SPRTN: variants seen among roughly 807,000 people sequenced by gnomAD.
SPRTN encodes the protein SprT-like N-terminal domain.
SPRTN carries 11 observed loss-of-function variants against 31.9 expected under a neutral mutation model. That is an observed-to-expected ratio of 0.34 (90% CI 0.22 to 0.57). The LOEUF is 0.57. Among genes scored for constraint, SPRTN ranks in the 20% least tolerant of loss-of-function variants. The pLI is 0.86. For synonymous variants in SPRTN, 185 were observed against 212.1 expected, an observed-to-expected ratio of 0.87 and a Z score of 1.11; for missense variants, 482 against 590.1, an observed-to-expected ratio of 0.82 and a Z score of 1.90.
rs554751199 is a variant in SPRTN, at chr1:231,343,017, G to A, written c.321+3149G>A. 4.6e-5 allele frequency among the ~76,000 whole-genome samples: 7 copies of A among 152,056 alleles called. No homozygotes were observed. In the South Asian group the frequency reaches 1.0e-3, roughly 22 times the overall value. The stretch of plus-strand genomic sequence containing the variant: ...CTCCCAAAGTGCTGGGATTACAGGC[G>A]TGAGCCACCACACCTGGCCAAGACT... On this transcript the variant is annotated intron_variant, in intron 2 of 4. Transcript: ENST00000295050.
At chr1:231,351,231 A>T (rs1687219516) in intron 3 of SPRTN, 73 bp from the exon 4 acceptor site, 2 of 1,202,710 alleles carry the variant, frequency 1.7e-6, no homozygotes, top group East Asian at 3.0e-5. Flanking sequence ...AAAAAAAAAG[A>T]CTGCTTATGT....
intron 3 of SPRTN, among the ~76,000 whole-genome samples, chr1:231,350,594 T>TAGA (rs1376976849): frequency 6.6e-6 from 1 of 152,168 alleles, no homozygotes; most frequent in Admixed American, 6.5e-5. Context: ...GAATGATGCT[T>TAGA]TTCTGACTGA....
chr1:231,345,008 C>G (rs1004748646), intron 2 of SPRTN, among the ~76,000 whole-genome samples: 3 of 152,106 alleles, frequency 2.0e-5, no homozygotes, highest in Non-Finnish European at 4.4e-5. Flanking sequence ...TTCTGTTTTG[C>G]AAATATTTCT....
At chr1:231,343,340 T>C (rs1284015705) in intron 2 of SPRTN, among the ~76,000 whole-genome samples, 1 of 152,110 alleles carries the variant, frequency 6.6e-6, no homozygotes, top group Non-Finnish European at 1.5e-5. Flanking sequence ...TATATATATA[T>C]ATTACATAGG....
chr1:231,341,859 G>A (rs1425301331), intron 2 of SPRTN, among the ~76,000 whole-genome samples: 2 of 152,124 alleles, frequency 1.3e-5, no homozygotes, highest in Admixed American at 1.3e-4. Context: ...TGGTGACACA[G>A]CCTGTAGTAC....
rs563335699 is a variant in SPRTN at position 231,349,636 on chromosome 1, A to G, written c.451-1668A>G. ...ATAAGGAACTCTGCAGGGTATCTACATTGTAGAGTAATTTTATTTTAGTGA... is the reference window on the plus strand; with the variant it reads ...ATAAGGAACTCTGCAGGGTATCTACGTTGTAGAGTAATTTTATTTTAGTGA... On this transcript the variant is annotated intron_variant, in intron 3 of 4. Transcript: ENST00000295050. Among the ~76,000 whole-genome samples the G allele has an allele frequency of 9.3e-4, 142 of 152,272 alleles. 1 individual carries two copies. Among genetic ancestry groups the G allele is most frequent in the Non-Finnish European group, 1.5e-3 (102 of 68,014 alleles).
intron 2 of SPRTN, among the ~76,000 whole-genome samples, chr1:231,343,428 A>G (rs1264814962): frequency 1.3e-5 from 2 of 152,204 alleles, no homozygotes; most frequent in African/African-American, 2.4e-5. Flanking sequence ...TGGATTTTTC[A>G]GAACATATCC....
intron 2 of SPRTN, among the ~76,000 whole-genome samples, chr1:231,341,533 T>G (rs760371828): frequency 2.0e-5 from 3 of 152,164 alleles, no homozygotes; most frequent in African/African-American, 7.2e-5. Context: ...CAACCAGTAT[T>G]AGTATCAGAC....
Position 231,351,876 on chromosome 1 carries a change from A to G in SPRTN, c.718+305A>G, listed in dbSNP as rs140049811. ...TTCAATCTCTGATAATATTTGAGGT[A>G]AAGTTCCTTTCCCTATCTTGACTCA... is the stretch of plus-strand genomic sequence containing the variant. On this transcript the variant is annotated intron_variant, in intron 4 of 4. Transcript: ENST00000295050. The G allele has an allele frequency of 5.8e-4, 598 of 1,037,006 alleles. 4 individuals are homozygous for G. The East Asian group carries it at 0.015, about 26-fold the overall frequency. The allele number at this position is 1,037,006 out of a possible 1,614,324, so 64.2% of individuals were successfully genotyped here. A position where few individuals can be genotyped will look rare whatever the true frequency, so the allele number is the denominator to read the frequency against.
intron 3 of SPRTN, among the ~76,000 whole-genome samples, chr1:231,348,654 G>A (rs1224671447): frequency 6.6e-6 from 1 of 152,008 alleles, no homozygotes; most frequent in Non-Finnish European, 1.5e-5. Context: ...CTTTCCTCAG[G>A]TGTAGCTTCC....
chr1:231,339,559 C>T, intron 1 of SPRTN: 1 of 746,294 alleles, frequency 1.3e-6, no homozygotes, highest in Non-Finnish European at 2.3e-6. Flanking sequence ...GCTTTCCTTC[C>T]TTGCCCGGCG....
chr1:231,353,673 A>G lies in SPRTN; in HGVS notation c.*312A>G. 1 of 1,012,856 alleles carries G rather than the reference A, an allele frequency of 9.9e-7. No individual in the cohort carries two copies. The allele number at this position is 1,012,856 out of a possible 1,614,324, so 62.7% of individuals were successfully genotyped here. A position where few individuals can be genotyped will look rare whatever the true frequency, so the allele number is the denominator to read the frequency against. ...AAAACCTGTTAATCTTTTTATTTGT[A>G]TACTTTCCTAAAAATATTCATATGG... On this transcript the variant is annotated 3_prime_UTR_variant, in exon 5 of 5. Transcript: ENST00000295050.
At position 231,355,006 on chromosome 1, in the gene SPRTN, A is replaced by C; in HGVS notation, c.*1645A>C. The C allele has an allele frequency of 2.8e-6, 2 of 712,458 alleles. No individual in the cohort carries two copies. Among genetic ancestry groups the C allele is most frequent in the Non-Finnish European group, 3.4e-6 (2 of 581,174 alleles). 44.1% of individuals were successfully genotyped at this position (712,458 alleles called of 1,614,324 possible). The stretch of plus-strand genomic sequence containing the variant: ...CTTAAAGCATTAAAACATTTTAATA[A>C]ATACTTATAAATAGGTATTAAAATG... On this transcript the variant is annotated 3_prime_UTR_variant, in exon 5 of 5. Coordinates refer to ENST00000295050, the MANE Select transcript of SPRTN (RefSeq NM_032018.7).
In SPRTN at chr1:231,347,663, C is replaced by A. The variant is rs73116373; in HGVS notation, c.322-134C>A. 6.7e-5 allele frequency: 73 copies of A among 1,081,724 alleles called. No individual in the cohort carries two copies. The African/African-American group carries it at 1.1e-3, about 16-fold the overall frequency. The allele number at this position is 1,081,724 out of a possible 1,614,324, so 67.0% of individuals were successfully genotyped here. A position where few individuals can be genotyped will look rare whatever the true frequency, so the allele number is the denominator to read the frequency against. Reference sequence around the variant, plus strand: ...ACAGGTGTGAGCCACTGCACCCGGCCTAGAATGAGTTTTATCAGTTCTGAA... The same window carrying A: ...ACAGGTGTGAGCCACTGCACCCGGCATAGAATGAGTTTTATCAGTTCTGAA... On this transcript the variant is annotated intron_variant, in intron 2 of 4. Transcript: ENST00000295050.
chr1:231,342,413 T>TTTAA (rs3071948), intron 2 of SPRTN, among the ~76,000 whole-genome samples: 3,151 of 152,132 alleles, frequency 0.021, 119 homozygotes, highest in African/African-American at 0.072. Context: ...AGACCATATT[T>TTTAA]TTATTTATTT....
Position 231,354,522 on chromosome 1 carries a change from G to A in SPRTN, c.*1161G>A, listed in dbSNP as rs972822056. 1 of 394,250 alleles carries A rather than the reference G, an allele frequency of 2.5e-6. No homozygotes were observed. The highest frequency in any genetic ancestry group is 3.5e-6 in the Non-Finnish European group (1 of 289,366). 24.4% of individuals were successfully genotyped at this position (394,250 alleles called of 1,614,324 possible). A position where few individuals can be genotyped will look rare whatever the true frequency, so the allele number is the denominator to read the frequency against. On this transcript the variant is annotated 3_prime_UTR_variant, in exon 5 of 5. Transcript: ENST00000295050. ...AGAGAACACTTCCATTGCCACAGAA[G>A]GCTTCCTATAGGTGTCTGTTCCCAG...
chr1:231,353,459 A>T lies in SPRTN; in HGVS notation c.*98A>T. The T allele has an allele frequency of 6.8e-7, 1 of 1,461,688 alleles. No homozygotes were observed. Among genetic ancestry groups the T allele is most frequent in the Admixed American group, 2.7e-5 (1 of 36,774 alleles). 90.5% of individuals were successfully genotyped at this position (1,461,688 alleles called of 1,614,324 possible). A position where few individuals can be genotyped will look rare whatever the true frequency, so the allele number is the denominator to read the frequency against. ...TGGTTAATACTAAGATTTGTAGGTT[A>T]TAATCTAGTTCACATAACCAATAGA... is the stretch of plus-strand genomic sequence containing the variant. On this transcript the variant is annotated 3_prime_UTR_variant, in exon 5 of 5. Coordinates refer to ENST00000295050, the MANE Select transcript of SPRTN (RefSeq NM_032018.7).
chr1:231,351,517 G>A lies in SPRTN; in HGVS notation c.664G>A (p.Gly222Ser), dbSNP rs1168106689. 2 of 1,614,100 alleles carry A rather than the reference G, an allele frequency of 1.2e-6. No homozygotes were observed. The highest frequency in any genetic ancestry group is 1.1e-5 in the South Asian group (1 of 91,062). ...IKEPENYSKK[G>S]KGKAKLGKEP... ...GGAACCAGAGAATTACTCAAAAAAA[G>A]GCAAAGGAAAGGCAAAACTAGGAAA... Residue 222 changes from glycine (G) to serine (S), a missense_variant, in exon 4 of 5, where the codon GGC becomes AGC. Physicochemically the swap from Gly to Ser is moderately conservative, Grantham distance 56. Transcript: ENST00000295050.
In SPRTN at chr1:231,348,047, G is replaced by A. The variant is rs142300636; in HGVS notation, c.450+122G>A. On this transcript the variant is annotated intron_variant, in intron 3 of 4. Transcript: ENST00000295050. ...TCTTTGAGGATTTTCCACAGCGAAC[G>A]AGAGGCCTAGAGAAGCAAATTGGCT... 5.4e-5 allele frequency: 73 copies of A among 1,354,424 alleles called. No homozygotes were observed. In the African/African-American group the frequency reaches 6.0e-4, roughly 11 times the overall value. The allele number at this position is 1,354,424 out of a possible 1,614,324, so 83.9% of individuals were successfully genotyped here. A position where few individuals can be genotyped will look rare whatever the true frequency, so the allele number is the denominator to read the frequency against.
Sources: allele counts gnomAD v4.1 joint callset (sites outside exome capture counted in the v4.1 genomes callset), GRCh38; gene constraint gnomAD v4.1.1; transcripts MANE v1.5; gene names NCBI Gene and HGNC (gene_info 2026-07-23, HGNC 2026-07-21).